Variants in PIK3C2G observed in about 807,000 individuals in gnomAD.
PIK3C2G encodes phosphatidylinositol-4-phosphate 3-kinase catalytic subunit type 2 gamma, also known as phosphatidylinositol 3-kinase C2 domain-containing subunit gamma.
In PIK3C2G, 168 loss-of-function variants were observed where a neutral mutation model predicts 181.1. The observed-to-expected ratio is 0.93, with a 90% CI of 0.82 to 1.05. The LOEUF is 1.05. Among genes scored for constraint, PIK3C2G ranks in the 50% least tolerant of loss-of-function variants. The pLI, the probability that PIK3C2G is intolerant of heterozygous loss-of-function variation, is 0.00. For synonymous variants in PIK3C2G, 573 were observed against 592.2 expected (o/e 0.97, Z 0.47); for missense variants, 1,869 against 1,732.8 (o/e 1.08, Z -1.40).
chr12:18,614,453 T>G (rs1948498940), intron 31 of PIK3C2G, among the ~76,000 whole-genome samples: 1 of 152,112 alleles, frequency 6.6e-6, no homozygotes, highest in Admixed American at 6.6e-5. Context: ...TTTTTGAACA[T>G]TTTGTTACCA....
At chr12:18,515,489 A>G (rs1942477725) in intron 24 of PIK3C2G, among the ~76,000 whole-genome samples, 1 of 151,652 alleles carries the variant, frequency 6.6e-6, no homozygotes, top group Non-Finnish European at 1.5e-5. Context: ...TTTCTGCTGG[A>G]TTTTCCAGTT....
chr12:18,686,760 A>AG, the PIK3C2G span, among the ~76,000 whole-genome samples: 3 of 152,062 alleles, frequency 2.0e-5, no homozygotes, highest in Admixed American at 2.0e-4. Flanking sequence ...TCTATAGAAG[A>AG]GTTCGTTGGT....
Position 18,293,881 on chromosome 12 carries a change from T to C in PIK3C2G, c.920-20T>C, listed in dbSNP as rs754563941. ...TATGATACACTTTTATTGACTTTTATTATTCCTCTTTTTCTTTAGCTAATT... is the reference window on the plus strand; with the variant it reads ...TATGATACACTTTTATTGACTTTTACTATTCCTCTTTTTCTTTAGCTAATT... On this transcript the variant is annotated intron_variant, in intron 4 of 32. Transcript: ENST00000538779. 1.8e-5 allele frequency: 22 copies of C among 1,196,750 alleles called. No individual in the cohort carries two copies. The highest frequency in any genetic ancestry group is 3.0e-5 in the African/African-American group (2 of 67,024). The allele number at this position is 1,196,750 out of a possible 1,614,324, so 74.1% of individuals were successfully genotyped here. A position where few individuals can be genotyped will look rare whatever the true frequency, so the allele number is the denominator to read the frequency against.
intron 29 of PIK3C2G, among the ~76,000 whole-genome samples, chr12:18,568,043 C>T (rs1382353120): frequency 6.6e-6 from 1 of 152,090 alleles, no homozygotes; most frequent in African/African-American, 2.4e-5. Context: ...CTCCTGCCTC[C>T]CTCTCAGAAG....
intron 24 of PIK3C2G, among the ~76,000 whole-genome samples, chr12:18,522,247 G>A (rs921683936): frequency 1.3e-5 from 2 of 152,168 alleles, no homozygotes; most frequent in African/African-American, 2.4e-5. Flanking sequence ...GTTTTTAATA[G>A]CTTTTTCTTC....
chr12:18,658,571 T>A, the PIK3C2G span, among the ~76,000 whole-genome samples: 26 of 152,130 alleles, frequency 1.7e-4, no homozygotes, highest in Non-Finnish European at 2.8e-4. Flanking sequence ...GAGATCTATA[T>A]TTGATAAAAA....
chr12:18,360,046 T>C (rs549201159), intron 11 of PIK3C2G, among the ~76,000 whole-genome samples: 28 of 152,268 alleles, frequency 1.8e-4, no homozygotes, highest in African/African-American at 6.5e-4. Flanking sequence ...TCTTTTCCTC[T>C]CTGGCTGTGT....
chr12:18,380,873 T>C (rs2137959726), intron 13 of PIK3C2G, among the ~76,000 whole-genome samples: 1 of 152,326 alleles, frequency 6.6e-6, no homozygotes, highest in African/African-American at 2.4e-5. Context: ...AATGGCAAGA[T>C]GGAATTGTAT....
chr12:18,267,565 G>A (rs762406219), intron 1 of PIK3C2G, among the ~76,000 whole-genome samples: 1 of 152,000 alleles, frequency 6.6e-6, no homozygotes, highest in Non-Finnish European at 1.5e-5. Context: ...CATAAATAAT[G>A]TCTGCAGCTT....
At chr12:18,446,067 C>T (rs139504256) in intron 18 of PIK3C2G, among the ~76,000 whole-genome samples, 1 of 152,096 alleles carries the variant, frequency 6.6e-6, no homozygotes, top group African/African-American at 2.4e-5. Context: ...TTTTGAAAAC[C>T]CTATAATTAG....
intron 30 of PIK3C2G, among the ~76,000 whole-genome samples, chr12:18,595,960 G>C (rs551591632): frequency 1.3e-5 from 2 of 152,114 alleles, no homozygotes; most frequent in Non-Finnish European, 2.9e-5. Context: ...GATAATTCTT[G>C]CTTGTGTGTT....
intron 29 of PIK3C2G, among the ~76,000 whole-genome samples, chr12:18,590,145 T>C (rs1054504514): frequency 1.3e-5 from 2 of 148,538 alleles, no homozygotes; most frequent in Non-Finnish European, 3.0e-5. Context: ...CCTGGGAAAC[T>C]ACAACCACTT....
At chr12:18,493,724 T>G (rs1940776671) in intron 20 of PIK3C2G, 1 of 152,242 alleles carries the variant, frequency 6.6e-6, no homozygotes, top group Admixed American at 6.5e-5. Flanking sequence ...TTAATCAGCA[T>G]TCTATCACTA....
intron 14 of PIK3C2G, among the ~76,000 whole-genome samples, chr12:18,382,872 T>C (rs1942931274): frequency 6.6e-6 from 1 of 152,106 alleles, no homozygotes; most frequent in Non-Finnish European, 1.5e-5. Context: ...TTGAGAAAGA[T>C]GCGCAGAAAA....
chr12:18,561,633 T>C (rs367996765), intron 26 of PIK3C2G, among the ~76,000 whole-genome samples: 16 of 152,088 alleles, frequency 1.1e-4, no homozygotes, highest in African/African-American at 3.9e-4. Flanking sequence ...AAGAAGCTAT[T>C]AGCTGATTTC....
At chr12:18,506,209 A>C (rs556559111) in intron 24 of PIK3C2G, among the ~76,000 whole-genome samples, 1 of 152,258 alleles carries the variant, frequency 6.6e-6, no homozygotes, top group African/African-American at 2.4e-5. Context: ...CACAGAAATG[A>C]GCATGGCATG....
chr12:18,366,034 T>A (rs1239708787), intron 12 of PIK3C2G, among the ~76,000 whole-genome samples: 1 of 152,194 alleles, frequency 6.6e-6, no homozygotes, highest in Non-Finnish European at 1.5e-5. Flanking sequence ...CCACAATAGC[T>A]TTATAATGGT....
chr12:18,500,907 G>C (rs1941421458), intron 22 of PIK3C2G, among the ~76,000 whole-genome samples: 1 of 151,998 alleles, frequency 6.6e-6, no homozygotes, highest in South Asian at 2.1e-4. Context: ...CTTCACTCCT[G>C]AAACCAGCGG....
At chr12:18,632,290 A>G (rs569511865) in intron 31 of PIK3C2G, among the ~76,000 whole-genome samples, 3 of 152,320 alleles carry the variant, frequency 2.0e-5, no homozygotes, top group Non-Finnish European at 2.9e-5. Flanking sequence ...ATGTTTATTC[A>G]GCCTTACTGC....
Sources: gnomAD v4.1 joint callset for allele counts (sites outside exome capture counted in the v4.1 genomes callset) on GRCh38, gnomAD v4.1.1 for gene constraint, MANE v1.5 for transcripts, NCBI Gene and HGNC (gene_info 2026-07-23, HGNC 2026-07-21) for gene names.